The following TRPC5 variants were observed in gnomAD, a reference collection of about 807,000 sequenced individuals.
The protein encoded by TRPC5 is short transient receptor potential channel 5.
A neutral mutation model predicts 56.5 loss-of-function variants in TRPC5; 9 were observed. The observed-to-expected ratio is 0.16, with a 90% CI of 0.10 to 0.28. The LOEUF is 0.28. TRPC5 is among the 10% of genes least tolerant of loss of function. The pLI is 1.00. For missense variants in TRPC5, 469 were observed against 748.9 expected (o/e 0.63, Z 4.36); for synonymous variants, 282 against 278.5 (o/e 1.01, Z -0.13).
At chrX:111,918,771 G>C (rs1007521148) in intron 2 of TRPC5, among the ~76,000 whole-genome samples, 2 of 111,627 alleles carry the variant, frequency 1.8e-5, no homozygotes, top group Admixed American at 1.9e-4. Context: ...TGTGGACAGA[G>C]AGTAGGGTGC....
At chrX:111,833,349 A>C (rs1046912517) in intron 7 of TRPC5, among the ~76,000 whole-genome samples, 3 of 111,389 alleles carry the variant, frequency 2.7e-5, no homozygotes, top group African/African-American at 9.8e-5. Flanking sequence ...TTGAGGCTCA[A>C]GAGGGAAAAG....
At chrX:112,005,716 C>T (rs1569529409) in intron 1 of TRPC5, among the ~76,000 whole-genome samples, 2 of 110,980 alleles carry the variant, frequency 1.8e-5, no homozygotes, top group Admixed American at 9.6e-5. Context: ...GGCAAAGGAC[C>T]CATGCAAAAA....
At position 111,901,979 on chromosome X, in the gene TRPC5, G is replaced by C. The variant is rs61729631; in HGVS notation, c.900+10312C>G. ...AGAAGTTCCTTATGTAGAAGAAAAT[G>C]GTAGAGCAGAAGAGACTGAAGCAGA... is the stretch of plus-strand genomic sequence containing the variant. On this transcript the variant is annotated intron_variant, in intron 3 of 10. Transcript: ENST00000262839. 2.6e-3 allele frequency: 3,040 copies of C among 1,153,830 alleles called. 59 individuals carry two copies. The African/African-American group carries it at 0.049, about 19-fold the overall frequency.
chrX:111,914,177 T>TA (rs1447123832), intron 2 of TRPC5, among the ~76,000 whole-genome samples: 3 of 110,798 alleles, frequency 2.7e-5, no homozygotes, highest in Non-Finnish European at 5.7e-5. Flanking sequence ...AATTGGGAAA[T>TA]ATTGATTTTT....
intron 1 of TRPC5, among the ~76,000 whole-genome samples, chrX:111,996,809 T>TTTTTG (rs201035960): frequency 4.4e-4 from 49 of 111,453 alleles, no homozygotes; most frequent in South Asian, 1.1e-3. Flanking sequence ...ACCCCTGCTT[T>TTTTTG]TTTTGTTTTG....
intron 1 of TRPC5, among the ~76,000 whole-genome samples, chrX:112,011,352 A>G (rs972123254): frequency 1.8e-5 from 2 of 111,496 alleles, no homozygotes; most frequent in African/African-American, 6.6e-5. Context: ...GCAAGTAAGT[A>G]GGGTTCTGCG....
chrX:111,909,584 G>T (rs975892332), intron 3 of TRPC5, among the ~76,000 whole-genome samples: 4 of 110,542 alleles, frequency 3.6e-5, no homozygotes, highest in African/African-American at 1.3e-4. Flanking sequence ...ACAATAAAAA[G>T]TCCACTTCAA....
chrX:111,788,785 G>A (rs1017720215), intron 7 of TRPC5, among the ~76,000 whole-genome samples: 6 of 111,512 alleles, frequency 5.4e-5, no homozygotes, highest in Non-Finnish European at 9.4e-5. Context: ...CAAACAGAGA[G>A]CCAAATCATG....
At chrX:112,044,376 TATC>T (rs1427511248) in intron 1 of TRPC5, among the ~76,000 whole-genome samples, 1 of 111,699 alleles carries the variant, frequency 9.0e-6, no homozygotes, top group Non-Finnish European at 1.9e-5. Context: ...AAAAGACAAT[TATC>T]ATAAAAGGAA....
intron 1 of TRPC5, among the ~76,000 whole-genome samples, chrX:111,957,277 A>C (rs1368306397): frequency 8.9e-6 from 1 of 111,896 alleles, no homozygotes; most frequent in African/African-American, 3.2e-5. Context: ...ATAGTGCTGC[A>C]ACATCTTGGT....
At chrX:112,023,833 A>G (rs17222664) in intron 1 of TRPC5, among the ~76,000 whole-genome samples, 3,278 of 110,886 alleles carry the variant, frequency 0.03, 61 homozygotes, top group Middle Eastern at 0.051. Context: ...TATATTTGCT[A>G]CTCCAAACTC....
Position 111,847,587 on chromosome X carries a change from C to T in TRPC5, c.1378-151G>A, listed in dbSNP as rs980318784. 10 of 495,121 alleles carry T rather than the reference C, an allele frequency of 2.0e-5. No homozygotes were observed. In the African/African-American group the frequency reaches 2.2e-4, roughly 11 times the overall value. 40.8% of individuals were successfully genotyped at this position (495,121 alleles called of 1,213,427 possible). On this transcript the variant is annotated intron_variant, in intron 5 of 10. Transcript: ENST00000262839. ...AGGCCCCATGCATGACACTATTTGT[C>T]TTTCTTGCCCCACCCAATTAACATG...
chrX:111,909,765 T>C (rs1057194057), intron 3 of TRPC5, among the ~76,000 whole-genome samples: 2 of 110,814 alleles, frequency 1.8e-5, no homozygotes, highest in Non-Finnish European at 3.8e-5. Context: ...TAAGAAATTA[T>C]GGAATAAAGA....
chrX:111,819,538 C>A (rs957865583), intron 7 of TRPC5, among the ~76,000 whole-genome samples: 4 of 111,324 alleles, frequency 3.6e-5, no homozygotes, highest in Non-Finnish European at 7.5e-5. Flanking sequence ...GCTTAACCTG[C>A]AGTTTTCAGA....
intron 2 of TRPC5, 75 bp downstream of exon 2, chrX:111,951,968 T>C: frequency 1.8e-6 from 2 of 1,138,245 alleles, no homozygotes; most frequent in South Asian, 2.1e-5. Flanking sequence ...CACCTAACCT[T>C]CCCTAGTTTC....
chrX:111,815,531 A>G (rs1921832517), intron 7 of TRPC5, among the ~76,000 whole-genome samples: 1 of 110,601 alleles, frequency 9.0e-6, no homozygotes, highest in South Asian at 4.0e-4. Flanking sequence ...GTTTCACCTG[A>G]CCAACATGGT....
At chrX:111,787,296 C>T (rs1945975099) in intron 7 of TRPC5, among the ~76,000 whole-genome samples, 1 of 111,585 alleles carries the variant, frequency 9.0e-6, no homozygotes, top group Non-Finnish European at 1.9e-5. Context: ...CAACTTGCTC[C>T]TGAATGACTA....
At chrX:111,991,717 T>C (rs1306651207) in intron 1 of TRPC5, among the ~76,000 whole-genome samples, 1 of 112,245 alleles carries the variant, frequency 8.9e-6, no homozygotes, top group African/African-American at 3.2e-5. Flanking sequence ...TTTGATAGGT[T>C]TTTTTAAAAA....
intron 6 of TRPC5, among the ~76,000 whole-genome samples, chrX:111,840,978 G>T (rs953403637): frequency 4.5e-5 from 5 of 111,855 alleles, no homozygotes; most frequent in African/African-American, 1.6e-4. Flanking sequence ...ACCAAGAAAA[G>T]TACAAACGAG....
Sources: allele counts gnomAD v4.1 joint callset (sites outside exome capture counted in the v4.1 genomes callset), GRCh38; gene constraint gnomAD v4.1.1; transcripts MANE v1.5; gene names NCBI Gene and HGNC (gene_info 2026-07-23, HGNC 2026-07-21).